The following RBFOX1 variants were observed in gnomAD, a reference collection of about 807,000 sequenced individuals.
RBFOX1 encodes RNA binding protein fox-1 homolog 1.
In RBFOX1, 8 loss-of-function variants were observed where a neutral mutation model predicts 57.7. The ratio of observed to expected loss-of-function variants is 0.14; its 90% confidence interval spans 0.08 to 0.25. The LOEUF is 0.25. RBFOX1 is among the 10% of genes least tolerant of loss of function. RBFOX1 has a pLI of 1.00. For synonymous variants in RBFOX1, 326 were observed against 222.4 expected (o/e 1.47, Z -4.15); for missense variants, 611 against 548.5 (o/e 1.11, Z -1.14).
chr16:5,612,203 C>A (rs1472669710), intron 3 of RBFOX1, among the ~76,000 whole-genome samples: 2 of 95,568 alleles, frequency 2.1e-5, no homozygotes, highest in African/African-American at 8.0e-5. Context: ...ATTCATTCTC[C>A]CCTCCACTCT....
intron 2 of RBFOX1, among the ~76,000 whole-genome samples, chr16:6,405,416 G>A (rs983578076): frequency 2.0e-5 from 3 of 152,152 alleles, no homozygotes; most frequent in Admixed American, 6.5e-5. Context: ...ACCAAATAGT[G>A]CCTCAGGGAC....
At chr16:7,161,470 C>T (rs2078305695) in intron 4 of RBFOX1, among the ~76,000 whole-genome samples, 1 of 152,104 alleles carries the variant, frequency 6.6e-6, no homozygotes, top group African/African-American at 2.4e-5. Context: ...GTCATTATTG[C>T]CTGTAATTCT....
chr16:6,766,913 G>T (rs8047060), intron 3 of RBFOX1, among the ~76,000 whole-genome samples: 33,305 of 151,930 alleles, frequency 0.22, 4,482 homozygotes, highest in African/African-American at 0.37. Flanking sequence ...CACTTGACCT[G>T]GCATGAAGCT....
chr16:5,618,952 T>C (rs892244315), intron 3 of RBFOX1, among the ~76,000 whole-genome samples: 1 of 152,160 alleles, frequency 6.6e-6, no homozygotes, highest in African/African-American at 2.4e-5. Context: ...GGGTAGCTGA[T>C]GGGTGCCGGC....
Position 7,256,170 on chromosome 16 carries a change from C to T in RBFOX1, c.27+204072C>T, listed in dbSNP as rs182829042. Among the ~76,000 whole-genome samples, 16 of 152,318 alleles carry T rather than the reference C, an allele frequency of 1.1e-4. 1 individual carries two copies. In the East Asian group the frequency reaches 3.1e-3, roughly 29 times the overall value. ...AGAATGTAAATCCGTGACCTATTTTCAGTCGAGGCGAGAAGCTGGAGATGG... is the reference window on the plus strand; with the variant it reads ...AGAATGTAAATCCGTGACCTATTTTTAGTCGAGGCGAGAAGCTGGAGATGG... On this transcript the variant is annotated intron_variant, in intron 4 of 15. Coordinates refer to ENST00000550418, the MANE Select transcript of RBFOX1 (RefSeq NM_018723.4).
intron 4 of RBFOX1, among the ~76,000 whole-genome samples, chr16:7,198,918 G>T (rs1438934682): frequency 6.6e-6 from 1 of 152,176 alleles, no homozygotes; most frequent in African/African-American, 2.4e-5. Flanking sequence ...CTTGTTCACA[G>T]TTTGCTCAGT....
At chr16:6,941,334 C>A (rs1305293715) in intron 3 of RBFOX1, among the ~76,000 whole-genome samples, 1 of 137,656 alleles carries the variant, frequency 7.3e-6, no homozygotes, top group Non-Finnish European at 1.5e-5. Context: ...TTCCTTCCTT[C>A]CTTCCTTCCT....
chr16:7,263,971 G>C (rs1477460546), intron 4 of RBFOX1, among the ~76,000 whole-genome samples: 1 of 148,300 alleles, frequency 6.7e-6, no homozygotes, highest in African/African-American at 2.5e-5. Context: ...ACTGAAAGGA[G>C]AAACAAAACA....
chr16:5,527,216 G>A (rs1045724899), intron 2 of RBFOX1, among the ~76,000 whole-genome samples: 1 of 152,162 alleles, frequency 6.6e-6, no homozygotes, highest in Non-Finnish European at 1.5e-5. Context: ...TCCTGATGAG[G>A]ACCCGCGATG....
At chr16:6,637,972 C>G (rs556447143) in intron 2 of RBFOX1, among the ~76,000 whole-genome samples, 1 of 152,074 alleles carries the variant, frequency 6.6e-6, no homozygotes, top group African/African-American at 2.4e-5. Context: ...TCATAATTTT[C>G]AACACCCAAC....
intron 11 of RBFOX1, among the ~76,000 whole-genome samples, chr16:7,631,496 C>G (rs2060954594): frequency 1.3e-5 from 2 of 152,190 alleles, no homozygotes; most frequent in South Asian, 4.1e-4. Context: ...AGGGTATACC[C>G]CTTCTTAAAG....
chr16:6,589,975 C>T (rs951975254), intron 2 of RBFOX1, among the ~76,000 whole-genome samples: 1 of 152,100 alleles, frequency 6.6e-6, no homozygotes, highest in Non-Finnish European at 1.5e-5. Context: ...CCACAATTTC[C>T]AGTCACTCCT....
chr16:6,019,721 CCG>C lies in RBFOX1; in HGVS notation c.-392_-391del. On this transcript the variant is annotated 5_prime_UTR_variant, in exon 1 of 16. Transcript: ENST00000550418. This position sits in a 1 kb window ranked among gnomAD's most constrained non-coding sequence, Gnocchi z 4.2. Reference sequence around the variant, plus strand: ...CCCAGGCAGAGAGAGCAGGAGCGGACCGCGCGCCCGGGATTGAGAGTCCTTGC... The same window carrying C: ...CCCAGGCAGAGAGAGCAGGAGCGGACCGCGCCCGGGATTGAGAGTCCTTGC... 3 of 1,371,008 alleles carry C rather than the reference CCG, an allele frequency of 2.2e-6. No individual in the cohort carries two copies. The South Asian group carries it at 5.0e-5, about 23-fold the overall frequency. 84.9% of individuals were successfully genotyped at this position (1,371,008 alleles called of 1,614,324 possible).
intron 4 of RBFOX1, among the ~76,000 whole-genome samples, chr16:7,173,272 C>G (rs2081053481): frequency 6.6e-6 from 1 of 152,182 alleles, no homozygotes; most frequent in Non-Finnish European, 1.5e-5. Flanking sequence ...AAAACCTGGT[C>G]AAATCCAACG....
chr16:7,570,413 A>G (rs963840088), intron 5 of RBFOX1, among the ~76,000 whole-genome samples: 3 of 152,118 alleles, frequency 2.0e-5, no homozygotes, highest in Non-Finnish European at 2.9e-5. Context: ...TTCTGTCTGT[A>G]TTCTGATTTC....
At chr16:5,753,493 T>C (rs1264436025) in intron 3 of RBFOX1, among the ~76,000 whole-genome samples, 1 of 152,194 alleles carries the variant, frequency 6.6e-6, no homozygotes, top group African/African-American at 2.4e-5. Context: ...CCTCTAAATA[T>C]GCGGCAACGG....
intron 3 of RBFOX1, among the ~76,000 whole-genome samples, chr16:5,862,262 T>A (rs1362643119): frequency 6.6e-6 from 1 of 152,196 alleles, no homozygotes; most frequent in African/African-American, 2.4e-5. Flanking sequence ...TTACCTGGAA[T>A]GCCAGTTTAA....
At chr16:6,613,682 T>A (rs902182628) in intron 2 of RBFOX1, among the ~76,000 whole-genome samples, 1 of 152,156 alleles carries the variant, frequency 6.6e-6, no homozygotes, top group Non-Finnish European at 1.5e-5. Flanking sequence ...TCTCATTTTT[T>A]AAAAAAGGTA....
chr16:5,796,500 A>C (rs1284534225), intron 3 of RBFOX1, among the ~76,000 whole-genome samples: 1 of 152,158 alleles, frequency 6.6e-6, no homozygotes, highest in African/African-American at 2.4e-5. Context: ...GACATTTCCA[A>C]GATGGGATGG....
Sources: gnomAD v4.1 joint callset for allele counts (sites outside exome capture counted in the v4.1 genomes callset) on GRCh38, gnomAD v4.1.1 for gene constraint, Gnocchi (gnomAD v3.1) non-coding constraint, MANE v1.5 for transcripts, NCBI Gene and HGNC (gene_info 2026-07-23, HGNC 2026-07-21) for gene names.